AOAH: variants seen among roughly 807,000 people sequenced by gnomAD.
AOAH encodes acyloxyacyl hydrolase, also known as acyloxyacyl hydrolase (neutrophil).
Under a neutral mutation model 92.2 loss-of-function variants are expected in AOAH, and 64 were observed. The ratio of observed to expected loss-of-function variants is 0.69; its 90% confidence interval spans 0.57 to 0.86. The LOEUF is 0.86. Ranked by LOEUF, AOAH falls within the 40% of genes least tolerant of loss-of-function variation. AOAH has a pLI of 0.00. For synonymous variants in AOAH, 263 were observed against 254.5 expected, an observed-to-expected ratio of 1.03 and a Z score of -0.32; for missense variants, 656 against 694.6, an observed-to-expected ratio of 0.94 and a Z score of 0.62.
chr7:36,638,167 C>T (rs559562930), intron 4 of AOAH, among the ~76,000 whole-genome samples: 3 of 152,194 alleles, frequency 2.0e-5, no homozygotes, highest in African/African-American at 7.2e-5. Flanking sequence ...CTGTGAGATA[C>T]GACCATTTCA....
chr7:36,693,174 A>C (rs1797515701), intron 1 of AOAH, among the ~76,000 whole-genome samples: 1 of 152,174 alleles, frequency 6.6e-6, no homozygotes, highest in African/African-American at 2.4e-5. Flanking sequence ...AATGGTTTTC[A>C]ATGTTTTGCT....
At chr7:36,623,277 G>T in intron 6 of AOAH, 27 bp from the exon 7 acceptor site, 1 of 1,604,206 alleles carries the variant, frequency 6.2e-7, no homozygotes, top group Non-Finnish European at 8.5e-7. Context: ...AAAACAATCG[G>T]TGAGCTAACA....
intron 12 of AOAH, among the ~76,000 whole-genome samples, chr7:36,579,378 C>CT (rs200848912): frequency 6.6e-6 from 1 of 151,656 alleles, no homozygotes; most frequent in Non-Finnish European, 1.5e-5. Flanking sequence ...CCCCGCCCCC[C>CT]CCAAATTGTG....
chr7:36,655,666 A>G (rs914227124), intron 4 of AOAH, among the ~76,000 whole-genome samples: 1 of 152,190 alleles, frequency 6.6e-6, no homozygotes, highest in Non-Finnish European at 1.5e-5. Context: ...AAAATCAGTG[A>G]GGCCTTCACA....
At chr7:36,584,010 C>G (rs1789126429) in intron 12 of AOAH, among the ~76,000 whole-genome samples, 1 of 152,164 alleles carries the variant, frequency 6.6e-6, no homozygotes, top group Admixed American at 6.5e-5. Flanking sequence ...TGTGAAACAC[C>G]AGTTTCTTTG....
intron 11 of AOAH, among the ~76,000 whole-genome samples, chr7:36,601,339 CAG>C (rs931573610): frequency 9.2e-5 from 14 of 151,774 alleles, no homozygotes; most frequent in African/African-American, 3.4e-4. Flanking sequence ...ATTATACACA[CAG>C]AGGCACACAG....
At chr7:36,631,994 A>AT (rs753507355) in intron 6 of AOAH, 42 bp downstream of exon 6, 1 of 1,483,534 alleles carries the variant, frequency 6.7e-7, no homozygotes, top group South Asian at 1.2e-5. Flanking sequence ...CAAAGACGTT[A>AT]TTACATGCTA....
At chr7:36,649,978 A>G (rs890408401) in intron 4 of AOAH, among the ~76,000 whole-genome samples, 2 of 152,152 alleles carry the variant, frequency 1.3e-5, no homozygotes, top group Non-Finnish European at 2.9e-5. Context: ...TCTGTGACCC[A>G]TGGTTTCTAA....
rs117774918 is a variant in AOAH at position 36,643,467 on chromosome 7, C to T, written c.391-5557G>A. Among the ~76,000 whole-genome samples the T allele has an allele frequency of 5.5e-3, 843 of 152,254 alleles. 5 individuals carry two copies. The highest frequency in any genetic ancestry group is 7.1e-3 in the Non-Finnish European group (485 of 68,018). On this transcript the variant is annotated intron_variant, in intron 4 of 20. Transcript: ENST00000617537. Reference sequence around the variant, plus strand: ...TCAGATACCAAGGGGAGAGGACTGGCTCTAGGTGTCAAAAAGCCACGCACC... The same window carrying T: ...TCAGATACCAAGGGGAGAGGACTGGTTCTAGGTGTCAAAAAGCCACGCACC...
In AOAH at chr7:36,695,295, T is replaced by C. The variant is rs528873035; in HGVS notation, c.128-8501A>G. 7.2e-5 allele frequency among the ~76,000 whole-genome samples: 11 copies of C among 152,348 alleles called. No individual in the cohort carries two copies. In the South Asian group the frequency reaches 1.4e-3, roughly 20 times the overall value. On this transcript the variant is annotated intron_variant, in intron 1 of 20. Coordinates refer to ENST00000617537, the MANE Select transcript of AOAH (RefSeq NM_001637.4). ...TCTCTGTGAAAACCATGCATTCTTT[T>C]ATAATTAGAAAAAAGCAAATTCTAC...
At chr7:36,648,460 C>T (rs1794368769) in intron 4 of AOAH, among the ~76,000 whole-genome samples, 1 of 151,672 alleles carries the variant, frequency 6.6e-6, no homozygotes, top group Admixed American at 6.6e-5. Flanking sequence ...TTGATTCAAA[C>T]AGAAAATAAT....
At chr7:36,548,330 C>T (rs1785938747) in intron 15 of AOAH, among the ~76,000 whole-genome samples, 2 of 152,094 alleles carry the variant, frequency 1.3e-5, no homozygotes, top group South Asian at 4.1e-4. Flanking sequence ...AGATTACAGG[C>T]ACACGCCACC....
At chr7:36,541,402 A>G (rs1785415785) in intron 15 of AOAH, among the ~76,000 whole-genome samples, 2 of 152,248 alleles carry the variant, frequency 1.3e-5, no homozygotes, top group Non-Finnish European at 1.5e-5. Flanking sequence ...ATGTCAGACA[A>G]AGGTGAAGCT....
Position 36,724,029 on chromosome 7 carries a change from G to T in AOAH, c.120C>A (p.Thr40=). 2 of 1,613,428 alleles carry T rather than the reference G, an allele frequency of 1.2e-6. No individual in the cohort carries two copies. The highest frequency in any genetic ancestry group is 1.7e-6 in the Non-Finnish European group (2 of 1,179,600). ...QSRPSLSNGH[T]CVGCVLVVSV... ...AAATATTTATTTGCATACCTACACA[G>T]GTGTGCCCATTCGAGAGGCTGGGCC... is the stretch of plus-strand genomic sequence containing the variant. The change falls in exon 1 of 21, where the codon ACC becomes ACA. Residue 40 remains threonine (T), a synonymous_variant. Coordinates refer to ENST00000617537, the MANE Select transcript of AOAH (RefSeq NM_001637.4).
intron 4 of AOAH, among the ~76,000 whole-genome samples, chr7:36,649,030 T>G (rs557397150): frequency 3.3e-5 from 5 of 152,346 alleles, no homozygotes; most frequent in Admixed American, 6.5e-5. Flanking sequence ...GGGAGGATTT[T>G]AGATGCTGTG....
chr7:36,571,019 C>T (rs2116584361), intron 13 of AOAH, among the ~76,000 whole-genome samples: 1 of 152,286 alleles, frequency 6.6e-6, no homozygotes. Context: ...AGTGCAATAA[C>T]AGAGGCGTGA....
intron 12 of AOAH, 120 bp downstream of exon 12, chr7:36,594,219 T>C (rs1789938299): frequency 1.3e-6 from 1 of 785,074 alleles, no homozygotes; most frequent in Non-Finnish European, 2.2e-6. Flanking sequence ...GAACTCAAAT[T>C]CATGTTCTAG....
chr7:36,631,992 T>C (rs1793142632), intron 6 of AOAH, 44 bp downstream of exon 6: 1 of 1,472,614 alleles, frequency 6.8e-7, no homozygotes, highest in East Asian at 2.3e-5. Flanking sequence ...AGCAAAGACG[T>C]TATTACATGC....
At chr7:36,649,725 G>A (rs572934679) in intron 4 of AOAH, among the ~76,000 whole-genome samples, 11 of 152,154 alleles carry the variant, frequency 7.2e-5, no homozygotes, top group African/African-American at 2.6e-4. Flanking sequence ...TCTGGTCTGT[G>A]TTTGTTACGA....
Sources: allele counts gnomAD v4.1 joint callset (sites outside exome capture counted in the v4.1 genomes callset), GRCh38; gene constraint gnomAD v4.1.1; transcripts MANE v1.5; gene names NCBI Gene and HGNC (gene_info 2026-07-23, HGNC 2026-07-21).